The following PSD3 variants were observed in gnomAD, a reference collection of about 807,000 sequenced individuals.
PSD3 encodes the protein pleckstrin and Sec7 domain containing 3, also known as PH and SEC7 domain-containing protein 3.
PSD3 carries 49 observed loss-of-function variants against 105.5 expected under a neutral mutation model. That is an observed-to-expected ratio of 0.46 (90% CI 0.37 to 0.59). The LOEUF (loss-of-function observed/expected upper bound fraction) is 0.59, where lower values mean the gene tolerates loss of function less well. PSD3 is among the 20% of genes least tolerant of loss of function. The pLI is 0.00. For synonymous variants in PSD3, 557 were observed against 457.8 expected (o/e 1.22, Z -2.77); for missense variants, 1,561 against 1,263.8 (o/e 1.24, Z -3.57).
chr8:19,064,885 G>T (rs534886204), intron 1 of PSD3, among the ~76,000 whole-genome samples: 2 of 152,178 alleles, frequency 1.3e-5, no homozygotes, highest in African/African-American at 2.4e-5. Flanking sequence ...TACTTCCATT[G>T]TATTAAATAA....
At chr8:18,987,311 G>A (rs974951677) in intron 1 of PSD3, among the ~76,000 whole-genome samples, 7 of 148,872 alleles carry the variant, frequency 4.7e-5, no homozygotes, top group South Asian at 4.2e-4. Flanking sequence ...TTTTTAAGAC[G>A]GAGTCTCGCA....
At chr8:18,545,309 A>C in intron 15 of PSD3, among the ~76,000 whole-genome samples, 1 of 152,170 alleles carries the variant, frequency 6.6e-6, no homozygotes, top group East Asian at 1.9e-4. Context: ...AAACAGAGCA[A>C]CCTTACGAAG....
intron 4 of PSD3, among the ~76,000 whole-genome samples, chr8:18,809,379 T>C (rs1442980775): frequency 6.6e-6 from 1 of 152,154 alleles, no homozygotes; most frequent in Non-Finnish European, 1.5e-5. Context: ...GTAATAATTC[T>C]CTCATCAAAA....
At chr8:18,985,989 T>C (rs1424860984) in intron 1 of PSD3, among the ~76,000 whole-genome samples, 1 of 152,162 alleles carries the variant, frequency 6.6e-6, no homozygotes, top group African/African-American at 2.4e-5. Flanking sequence ...AAGACCAAGA[T>C]TACAGTTGTA....
intron 1 of PSD3, among the ~76,000 whole-genome samples, chr8:18,992,650 T>C (rs1357330691): frequency 6.6e-6 from 1 of 152,216 alleles, no homozygotes; most frequent in African/African-American, 2.4e-5. Flanking sequence ...TTCAGGCTAC[T>C]TCATTTTGTT....
At chr8:18,622,874 T>C (rs1170117256) in intron 11 of PSD3, among the ~76,000 whole-genome samples, 2 of 152,222 alleles carry the variant, frequency 1.3e-5, no homozygotes, top group African/African-American at 2.4e-5. Flanking sequence ...CCTTCTATCA[T>C]CTGTACTCTT....
At chr8:18,682,013 A>G (rs1050197584) in intron 9 of PSD3, among the ~76,000 whole-genome samples, 101 of 152,184 alleles carry the variant, frequency 6.6e-4, no homozygotes, top group African/African-American at 2.3e-3. Context: ...CAAAAAAAAA[A>G]AAAAAAAGTG....
At chr8:18,720,431 G>A (rs1023800830) in intron 9 of PSD3, among the ~76,000 whole-genome samples, 2 of 152,218 alleles carry the variant, frequency 1.3e-5, no homozygotes, top group African/African-American at 4.8e-5. Flanking sequence ...TCAAGGATGA[G>A]CAATCTAAGA....
In PSD3 at chr8:19,071,113, G is replaced by T. The variant is rs564793219; in HGVS notation, c.324+13093C>A. On this transcript the variant is annotated intron_variant, in intron 1 of 1. Coordinates refer to the PSD3 transcript ENST00000521475. ...CTTGTACTGTTGCCCAGGCTGGAGAGCAATGGTGCAATCTCGGCTCACTGC... is the reference window on the plus strand; with the variant it reads ...CTTGTACTGTTGCCCAGGCTGGAGATCAATGGTGCAATCTCGGCTCACTGC... 1.2e-3 allele frequency among the ~76,000 whole-genome samples: 184 copies of T among 152,012 alleles called. 2 individuals carry two copies. The highest frequency in any genetic ancestry group is 4.3e-3 in the African/African-American group (179 of 41,466).
chr8:18,769,188 C>G (rs1274846457), intron 8 of PSD3, among the ~76,000 whole-genome samples: 3 of 152,108 alleles, frequency 2.0e-5, no homozygotes, highest in African/African-American at 7.2e-5. Context: ...TAAATAATGA[C>G]TAGGTAACAA....
chr8:18,850,543 A>C (rs1266373576), intron 4 of PSD3, among the ~76,000 whole-genome samples: 2 of 152,212 alleles, frequency 1.3e-5, no homozygotes, highest in African/African-American at 4.8e-5. Context: ...ATGGCATCTC[A>C]GCTAGAAGTT....
chr8:18,805,797 T>C (rs1301629881), intron 4 of PSD3, among the ~76,000 whole-genome samples: 2 of 152,202 alleles, frequency 1.3e-5, no homozygotes, highest in South Asian at 2.1e-4. Flanking sequence ...TGCGGGCAGA[T>C]ACAAGTTTTC....
chr8:18,857,033 A>C (rs1287547256), intron 4 of PSD3, among the ~76,000 whole-genome samples: 2 of 152,306 alleles, frequency 1.3e-5, no homozygotes, highest in South Asian at 2.1e-4. Context: ...AAAATCAATC[A>C]ATCCCTGCTG....
At chr8:18,578,028 C>T (rs1802568210) in intron 12 of PSD3, among the ~76,000 whole-genome samples, 1 of 152,072 alleles carries the variant, frequency 6.6e-6, no homozygotes, top group Non-Finnish European at 1.5e-5. Flanking sequence ...CATATGGCTG[C>T]AGTCTTCTTC....
chr8:18,766,817 C>G (rs1038611), intron 8 of PSD3, among the ~76,000 whole-genome samples: 1 of 152,032 alleles, frequency 6.6e-6, no homozygotes, highest in African/African-American at 2.4e-5. Context: ...ACAGAGCAAC[C>G]TGAATAGGGC....
At chr8:18,801,440 T>G (rs11774165) in intron 6 of PSD3, 58 bp from the exon 7 acceptor site, 387,452 of 953,302 alleles carry the variant, frequency 0.41, 85,662 homozygotes, top group Middle Eastern at 0.51. Context: ...TCACACTCTT[T>G]CATAGTTAAA....
At chr8:18,790,656 C>T (rs1466956451) in intron 8 of PSD3, among the ~76,000 whole-genome samples, 1 of 152,032 alleles carries the variant, frequency 6.6e-6, no homozygotes. Flanking sequence ...TCAGGCTATT[C>T]TCTATATCCT....
chr8:18,781,074 A>C (rs1245637705), intron 8 of PSD3, among the ~76,000 whole-genome samples: 1 of 151,920 alleles, frequency 6.6e-6, no homozygotes, highest in Non-Finnish European at 1.5e-5. Flanking sequence ...TCTGCTTTTC[A>C]CCACTTTGGA....
intron 1 of PSD3, among the ~76,000 whole-genome samples, chr8:18,955,725 A>G (rs948478307): frequency 6.6e-6 from 1 of 152,012 alleles, no homozygotes; most frequent in Non-Finnish European, 1.5e-5. Flanking sequence ...GTCATGTCTG[A>G]ATCTCAAGCC....
Sources: gnomAD v4.1 joint callset for allele counts (sites outside exome capture counted in the v4.1 genomes callset) on GRCh38, gnomAD v4.1.1 for gene constraint, MANE v1.5 for transcripts, NCBI Gene and HGNC (gene_info 2026-07-23, HGNC 2026-07-21) for gene names.